The following ZNF286A variants were observed in gnomAD, a reference collection of about 807,000 sequenced individuals.
ZNF286A encodes the protein zinc finger protein 286A, also known as zinc finger protein ZNF286.
In ZNF286A, 34 loss-of-function variants were observed where a neutral mutation model predicts 49.3. That is an observed-to-expected ratio of 0.69 (90% CI 0.52 to 0.92). The LOEUF (loss-of-function observed/expected upper bound fraction) is 0.92. ZNF286A is among the 40% of genes least tolerant of loss of function. The pLI is 0.00. For missense variants in ZNF286A, 462 were observed against 600.2 expected (o/e 0.77, Z 2.41); for synonymous variants, 155 against 200.4 (o/e 0.77, Z 1.91).
At chr17:15,708,577 G>T (rs1481663941) in intron 5 of ZNF286A, among the ~76,000 whole-genome samples, 1 of 152,064 alleles carries the variant, frequency 6.6e-6, no homozygotes, top group Non-Finnish European at 1.5e-5. Flanking sequence ...CAAGAAAATA[G>T]CCTTACCAGC....
chr17:15,699,966 G>T, intron 1 of ZNF286A, 169 bp from the exon 2 acceptor site: 1 of 619,132 alleles, frequency 1.6e-6, no homozygotes, highest in Middle Eastern at 4.3e-4. Context: ...CACGGGCGGG[G>T]TGGTCGCGGG....
intron 3 of ZNF286A, among the ~76,000 whole-genome samples, chr17:15,702,978 T>C (rs1367432661): frequency 6.6e-6 from 1 of 152,162 alleles, no homozygotes; most frequent in East Asian, 1.9e-4. Context: ...TCTTCCTGTG[T>C]TGAAGGCCAG....
intron 3 of ZNF286A, among the ~76,000 whole-genome samples, chr17:15,705,789 A>G (rs1366206929): frequency 6.6e-6 from 1 of 152,204 alleles, no homozygotes; most frequent in Non-Finnish European, 1.5e-5. Flanking sequence ...TTTTTGTCTT[A>G]TAGAAGTATA....
intron 3 of ZNF286A, chr17:15,704,847 C>G: frequency 3.1e-6 from 5 of 1,612,920 alleles, no homozygotes; most frequent in Non-Finnish European, 4.2e-6. Context: ...TCGTCACCTC[C>G]TTGTACACCA....
chr17:15,708,023 TAA>T, intron 4 of ZNF286A, 130 bp from the exon 5 acceptor site: 1 of 501,212 alleles, frequency 2.0e-6, no homozygotes, highest in Non-Finnish European at 3.2e-6. Context: ...TTTTATAAAT[TAA>T]AAAAAAAGAA....
intron 5 of ZNF286A, among the ~76,000 whole-genome samples, chr17:15,711,868 C>CCG (rs1555565236): frequency 3.2e-5 from 3 of 92,370 alleles, no homozygotes; most frequent in African/African-American, 1.2e-4. Context: ...CTGCCCCCCC[C>CCG]CCGGCTTTTT....
At chr17:15,713,291 A>G (rs1013763237) in intron 5 of ZNF286A, among the ~76,000 whole-genome samples, 1 of 152,248 alleles carries the variant, frequency 6.6e-6, no homozygotes, top group African/African-American at 2.4e-5. Flanking sequence ...TTTTTGTTAA[A>G]AAACATCTAT....
chr17:15,713,180 C>T (rs1484330878), intron 5 of ZNF286A, among the ~76,000 whole-genome samples: 1 of 152,076 alleles, frequency 6.6e-6, no homozygotes, highest in East Asian at 1.9e-4. Context: ...TGATTGAGCC[C>T]AGGAGTTAGA....
At chr17:15,704,895 G>C (rs1294600019) in intron 3 of ZNF286A, 5 of 1,608,368 alleles carry the variant, frequency 3.1e-6, no homozygotes, top group Middle Eastern at 2.0e-4. Flanking sequence ...CCACGTTGGA[G>C]TTCATGGCTG....
At chr17:15,707,068 A>T (rs1001366266) in intron 4 of ZNF286A, among the ~76,000 whole-genome samples, 3 of 152,140 alleles carry the variant, frequency 2.0e-5, no homozygotes, top group African/African-American at 7.2e-5. Context: ...GCATACACAC[A>T]TGCATGCATA....
In ZNF286A at chr17:15,710,284, C is replaced by T. The variant is rs535098688; in HGVS notation, c.334+2037C>T. 4.7e-4 allele frequency among the ~76,000 whole-genome samples: 69 copies of T among 147,478 alleles called. 1 individual carries two copies. The highest frequency in any genetic ancestry group is 1.8e-3 in the African/African-American group (67 of 37,772). On this transcript the variant is annotated intron_variant, in intron 5 of 5. Coordinates refer to ENST00000583566, the MANE Select transcript of ZNF286A (RefSeq NM_001130842.2). ...ATATAGAATTAAACATTTTTAATAA[C>T]AAACTTTTTTTTTAAATAGTGCTTT...
chr17:15,706,332 G>C, intron 3 of ZNF286A, 55 bp from the exon 4 acceptor site: 3 of 1,457,920 alleles, frequency 2.1e-6, no homozygotes, highest in Non-Finnish European at 2.9e-6. Context: ...GAAACTGGGG[G>C]ATGAAAGAGA....
intron 5 of ZNF286A, 26 bp downstream of exon 5, chr17:15,708,273 A>AC (rs1280611716): frequency 5.8e-6 from 9 of 1,538,858 alleles, no homozygotes; most frequent in Admixed American, 5.8e-5. Context: ...GGGAGTCTTC[A>AC]TAAATGATAG....
intron 3 of ZNF286A, chr17:15,704,631 G>A (rs1990064648): frequency 1.2e-6 from 2 of 1,613,902 alleles, no homozygotes; most frequent in African/African-American, 2.7e-5. Context: ...TCTCGCCATT[G>A]GCGCCCACGT....
Position 15,716,125 on chromosome 17 carries a change from G to A in ZNF286A, c.401G>A (p.Cys134Tyr), listed in dbSNP as rs374883796. ...SVQDFSKAESCKVAIIDRLTR... is the reference protein window; with the variant it reads ...SVQDFSKAESYKVAIIDRLTR... ...CAAGATTTTTCCAAAGCAGAATCAT[G>A]CAAAGTTGCAATAATAGACAGACTG... Residue 134 changes from cysteine to tyrosine, a missense_variant, in exon 6 of 6, where the codon TGC becomes TAC. Physicochemically the swap from Cys to Tyr is radical, Grantham distance 194. Transcript: ENST00000583566. 7 of 1,613,766 alleles carry A rather than the reference G, an allele frequency of 4.3e-6. No individual in the cohort carries two copies. In the African/African-American group the frequency reaches 9.3e-5, roughly 22 times the overall value.
At chr17:15,709,280 A>G (rs1990468890) in intron 5 of ZNF286A, among the ~76,000 whole-genome samples, 1 of 144,908 alleles carries the variant, frequency 6.9e-6, no homozygotes, top group Non-Finnish European at 1.5e-5. Flanking sequence ...ACCTGAGGTC[A>G]GAAATTTGAG....
intron 4 of ZNF286A, among the ~76,000 whole-genome samples, chr17:15,707,296 C>T (rs1161512256): frequency 9.2e-5 from 14 of 151,934 alleles, no homozygotes; most frequent in Non-Finnish European, 1.9e-4. Flanking sequence ...AAAAATTAGC[C>T]GGGTGCGGTG....
rs545956063 is a variant in ZNF286A at position 15,707,980 on chromosome 17, A to G, written c.242-175A>G. ...TGCCTGGGCAATATAGTGAGATCCC[A>G]TTAACTTTAAAAATAAAAAATAAAA... On this transcript the variant is annotated intron_variant, in intron 4 of 5. Coordinates refer to ENST00000583566, the MANE Select transcript of ZNF286A (RefSeq NM_001130842.2). Among the ~76,000 whole-genome samples the G allele has an allele frequency of 2.0e-5, 3 of 152,298 alleles. No homozygotes were observed. In the East Asian group the frequency reaches 5.8e-4, roughly 29 times the overall value.
chr17:15,711,863 C>G lies in ZNF286A; in HGVS notation c.334+3616C>G, dbSNP rs1220611589. Among the ~76,000 whole-genome samples, 138 of 100,298 alleles carry G rather than the reference C, an allele frequency of 1.4e-3. 1 individual carries two copies. Among genetic ancestry groups the G allele is most frequent in the African/African-American group, 5.1e-3 (135 of 26,564 alleles). The allele number at this position is 100,298 out of a possible 152,430, so 65.8% of individuals were successfully genotyped here. On this transcript the variant is annotated intron_variant, in intron 5 of 5. Coordinates refer to ENST00000583566, the MANE Select transcript of ZNF286A (RefSeq NM_001130842.2). ...AATTTGCATTTATCTGTAATCTGCC[C>G]CCCCCCCGGCTTTTTTTTTTTTTTT...
Sources: gnomAD v4.1 joint callset for allele counts (sites outside exome capture counted in the v4.1 genomes callset) on GRCh38, gnomAD v4.1.1 for gene constraint, MANE v1.5 for transcripts, NCBI Gene and HGNC (gene_info 2026-07-23, HGNC 2026-07-21) for gene names.